The following CNTNAP2 variants were observed in gnomAD, a reference collection of about 807,000 sequenced individuals.
The protein encoded by CNTNAP2 is contactin-associated protein-like 2.
A neutral mutation model predicts 155.2 loss-of-function variants in CNTNAP2; 98 were observed. That is an observed-to-expected ratio of 0.63 (90% CI 0.54 to 0.75). The LOEUF is 0.75. CNTNAP2 is among the 30% of genes least tolerant of loss of function. The pLI, the probability that CNTNAP2 is intolerant of heterozygous loss-of-function variation, is 0.00. For synonymous variants in CNTNAP2, 651 were observed against 631.2 expected (o/e 1.03, Z -0.47); for missense variants, 1,727 against 1,688.1 (o/e 1.02, Z -0.40).
intron 19 of CNTNAP2, among the ~76,000 whole-genome samples, chr7:148,228,747 G>A (rs1795904164): frequency 6.6e-6 from 1 of 150,652 alleles, no homozygotes; most frequent in Non-Finnish European, 1.5e-5. Flanking sequence ...AGAATGGCGT[G>A]AACCCGGGAG....
chr7:147,521,797 A>C (rs1799233578), intron 11 of CNTNAP2, among the ~76,000 whole-genome samples: 1 of 152,202 alleles, frequency 6.6e-6, no homozygotes, highest in Non-Finnish European at 1.5e-5. Flanking sequence ...CGCTTTTATG[A>C]GGCTTTCTTG....
intron 3 of CNTNAP2, among the ~76,000 whole-genome samples, chr7:146,871,386 C>G (rs143654813): frequency 6.6e-6 from 1 of 151,832 alleles, no homozygotes; most frequent in Non-Finnish European, 1.5e-5. Flanking sequence ...AAAAATAAGG[C>G]GATCCTAATG....
intron 3 of CNTNAP2, among the ~76,000 whole-genome samples, chr7:146,898,542 T>A (rs1795924988): frequency 6.6e-6 from 1 of 151,938 alleles, no homozygotes; most frequent in Middle Eastern, 3.4e-3. Context: ...CCTAAGGAAA[T>A]GGCATCTATT....
chr7:146,290,543 A>T (rs901170598), intron 1 of CNTNAP2, among the ~76,000 whole-genome samples: 2 of 152,216 alleles, frequency 1.3e-5, no homozygotes, highest in Non-Finnish European at 2.9e-5. Context: ...TTAAATTCCT[A>T]TTAAATTGTC....
At chr7:147,854,358 C>T (rs780950042) in intron 13 of CNTNAP2, among the ~76,000 whole-genome samples, 3 of 151,958 alleles carry the variant, frequency 2.0e-5, no homozygotes, top group African/African-American at 7.2e-5. Flanking sequence ...ATTCATCATC[C>T]CCTTCTGCAC....
At chr7:146,989,697 G>T (rs1798175343) in intron 3 of CNTNAP2, among the ~76,000 whole-genome samples, 1 of 152,030 alleles carries the variant, frequency 6.6e-6, no homozygotes, top group Non-Finnish European at 1.5e-5. Flanking sequence ...TCCTAAATCA[G>T]ATCTATCCAA....
At chr7:146,255,067 G>C (rs966358033) in intron 1 of CNTNAP2, among the ~76,000 whole-genome samples, 7 of 152,080 alleles carry the variant, frequency 4.6e-5, no homozygotes, top group African/African-American at 1.4e-4. Flanking sequence ...TGGTAAGATT[G>C]GGTAGAATAA....
chr7:148,370,577 A>C (rs1798869007), intron 21 of CNTNAP2, among the ~76,000 whole-genome samples: 1 of 152,128 alleles, frequency 6.6e-6, no homozygotes, highest in Non-Finnish European at 1.5e-5. Flanking sequence ...CCTCTTCCGC[A>C]CAGTGCCACA....
chr7:147,980,258 A>G (rs1261853668), intron 15 of CNTNAP2, among the ~76,000 whole-genome samples: 1 of 121,730 alleles, frequency 8.2e-6, no homozygotes, highest in East Asian at 3.9e-4. Flanking sequence ...TTTCAGGCAG[A>G]CTTTCTTTTT....
intron 8 of CNTNAP2, among the ~76,000 whole-genome samples, chr7:147,234,452 C>T (rs753895130): frequency 2.0e-5 from 3 of 150,690 alleles, no homozygotes; most frequent in Non-Finnish European, 4.4e-5. Flanking sequence ...ATTCTCCTGC[C>T]TCAGCCTCCA....
At chr7:146,380,464 A>G (rs1795365300) in intron 1 of CNTNAP2, among the ~76,000 whole-genome samples, 1 of 152,176 alleles carries the variant, frequency 6.6e-6, no homozygotes, top group South Asian at 2.1e-4. Context: ...CAAAATTACC[A>G]TGGAAAGCAT....
At chr7:147,999,062 A>G (rs1342380611) in intron 15 of CNTNAP2, among the ~76,000 whole-genome samples, 3 of 152,116 alleles carry the variant, frequency 2.0e-5, no homozygotes, top group Non-Finnish European at 2.9e-5. Context: ...CACAATTAAA[A>G]CTTATTGTTA....
At chr7:147,234,334 C>CTTTTTTTTTTT (rs1225048153) in intron 8 of CNTNAP2, among the ~76,000 whole-genome samples, 2 of 107,556 alleles carry the variant, frequency 1.9e-5, no homozygotes, top group East Asian at 3.1e-4. Context: ...CAAGAGTATT[C>CTTTTTTTTTTT]TTTTTTTTTT....
chr7:146,932,505 C>A (rs1796788316), intron 3 of CNTNAP2, among the ~76,000 whole-genome samples: 1 of 152,150 alleles, frequency 6.6e-6, no homozygotes. Flanking sequence ...AAACTGGAAG[C>A]ACTCCCTTTG....
chr7:146,919,236 C>T lies in CNTNAP2; in HGVS notation c.402+79332C>T, dbSNP rs556679093. On this transcript the variant is annotated intron_variant, in intron 3 of 23. Coordinates refer to ENST00000361727, the MANE Select transcript of CNTNAP2 (RefSeq NM_014141.6). Reference sequence around the variant, plus strand: ...ATTCATTGCTGGTGAGTAATGTGATCGTTTGAGGGTGTTAAAGAAACTTGT... The same window carrying T: ...ATTCATTGCTGGTGAGTAATGTGATTGTTTGAGGGTGTTAAAGAAACTTGT... 2.0e-4 allele frequency among the ~76,000 whole-genome samples: 31 copies of T among 152,158 alleles called. No homozygotes were observed. In the South Asian group the frequency reaches 5.6e-3, roughly 27 times the overall value.
In CNTNAP2 at chr7:147,300,125, A is replaced by T. The variant is rs753540161; in HGVS notation, c.1349-16A>T. 1.2e-6 allele frequency: 2 copies of T among 1,613,536 alleles called. No homozygotes were observed. Among genetic ancestry groups the T allele is most frequent in the Non-Finnish European group, 1.7e-6 (2 of 1,179,656 alleles). ...TAATTTTAAGATAAAAATGACTTTT[A>T]TCTTGTACTTACCAGGTTCTGGGTT... On this transcript the variant is annotated splice_polypyrimidine_tract_variant and intron_variant, in intron 8 of 23. Transcript: ENST00000361727.
At chr7:148,112,177 C>G (rs976150156) in intron 15 of CNTNAP2, among the ~76,000 whole-genome samples, 9 of 152,100 alleles carry the variant, frequency 5.9e-5, no homozygotes, top group African/African-American at 2.2e-4. Flanking sequence ...GTTAGAGAAT[C>G]TGGAGAGAAT....
At chr7:147,210,356 C>CT (rs1248129032) in intron 8 of CNTNAP2, among the ~76,000 whole-genome samples, 1 of 151,820 alleles carries the variant, frequency 6.6e-6, no homozygotes, top group East Asian at 1.9e-4. Context: ...TATCCATTTC[C>CT]TTTAGACATT....
At chr7:147,568,785 AG>A (rs1304233014) in intron 12 of CNTNAP2, among the ~76,000 whole-genome samples, 3 of 152,132 alleles carry the variant, frequency 2.0e-5, no homozygotes, top group African/African-American at 7.2e-5. Context: ...TGTATTTAAA[AG>A]GTTCTTTCTG....
Sources: allele counts gnomAD v4.1 joint callset (sites outside exome capture counted in the v4.1 genomes callset), GRCh38; gene constraint gnomAD v4.1.1; transcripts MANE v1.5; gene names NCBI Gene and HGNC (gene_info 2026-07-23, HGNC 2026-07-21).